TBX19: variants seen among roughly 807,000 people sequenced by gnomAD.
TBX19 encodes the protein T-box transcription factor TBX19.
A neutral mutation model predicts 40.9 loss-of-function variants in TBX19; 33 were observed. The ratio of observed to expected loss-of-function variants is 0.81; its 90% CI spans 0.61 to 1.08. TBX19 has a LOEUF of 1.08. Ranked by LOEUF, TBX19 falls within the 50% of genes least tolerant of loss-of-function variation. TBX19 has a pLI of 0.00. For missense variants in TBX19, 494 were observed against 574.0 expected, an observed-to-expected ratio of 0.86 and a Z score of 1.42; for synonymous variants, 220 against 225.0, an observed-to-expected ratio of 0.98 and a Z score of 0.20.
At chr1:168,298,054 G>A (rs2102357454) in intron 4 of TBX19, among the ~76,000 whole-genome samples, 1 of 152,216 alleles carries the variant, frequency 6.6e-6, no homozygotes. Flanking sequence ...AAATTAGCCG[G>A]GTGTGGTGGC....
At position 168,312,711 on chromosome 1, in the gene TBX19, C is replaced by T. The variant is rs761123898; in HGVS notation, c.1056C>T (p.Pro352=). 3 of 1,612,174 alleles carry T rather than the reference C, an allele frequency of 1.9e-6. No homozygotes were observed. In the East Asian group the frequency reaches 6.7e-5, roughly 36 times the overall value. Residue 352 remains proline, a synonymous_variant, in exon 8 of 8, where the codon CCC becomes CCT. Transcript: ENST00000367821. The part of the protein sequence containing the change: ...TNGPINPGPS[P]YPCLWTISNG... ...CCCTCTTTCTCTGTCTCTGCAGCCC[C>T]TACCCGTGCCTGTGGACCATCAGCA...
intron 5 of TBX19, among the ~76,000 whole-genome samples, chr1:168,304,327 A>C (rs1649349530): frequency 6.6e-6 from 1 of 152,074 alleles, no homozygotes; most frequent in African/African-American, 2.4e-5. Context: ...CAGAGATGAA[A>C]TCACAGGGAA....
chr1:168,285,663 T>C (rs1410366713), intron 1 of TBX19, among the ~76,000 whole-genome samples: 1 of 152,248 alleles, frequency 6.6e-6, no homozygotes, highest in Non-Finnish European at 1.5e-5. Flanking sequence ...CAAGGAGGCT[T>C]TCTCTCCAGG....
intron 6 of TBX19, among the ~76,000 whole-genome samples, chr1:168,306,455 G>A (rs1394027010): frequency 1.3e-5 from 2 of 151,742 alleles, no homozygotes; most frequent in East Asian, 1.9e-4. Context: ...GCGAAACCCC[G>A]TCTCTACTAA....
chr1:168,293,281 AAG>A lies in TBX19; in HGVS notation c.603+6_603+7del, dbSNP rs747507388. On this transcript the variant is annotated splice_donor_5th_base_variant and intron_variant, in intron 3 of 7. Coordinates refer to ENST00000367821, the MANE Select transcript of TBX19 (RefSeq NM_005149.3). ...TGACTGCCTATCAGAATGAGGAGGT[AAG>A]AGTGTGTGTGTGTGTGTGTGTGTGT... 7.0e-7 allele frequency: 1 copy of A among 1,427,602 alleles called. No individual in the cohort carries two copies. Among genetic ancestry groups the A allele is most frequent in the Non-Finnish European group, 9.3e-7 (1 of 1,070,462 alleles). 88.4% of individuals were successfully genotyped at this position (1,427,602 alleles called of 1,614,324 possible). A position where few individuals can be genotyped will look rare whatever the true frequency, so the allele number is the denominator to read the frequency against.
intron 3 of TBX19, among the ~76,000 whole-genome samples, chr1:168,296,873 A>AT (rs1195948297): frequency 1.4e-5 from 2 of 145,530 alleles, no homozygotes; most frequent in African/African-American, 5.3e-5. Context: ...CGTCTCAAAA[A>AT]AAATATATAT....
At chr1:168,308,622 C>T in intron 6 of TBX19, 120 bp from the exon 7 acceptor site, 1 of 1,275,354 alleles carries the variant, frequency 7.8e-7, no homozygotes, top group Non-Finnish European at 1.1e-6. Flanking sequence ...AAAGAACTAA[C>T]AAACTGTTGG....
At chr1:168,294,792 G>A (rs567544314) in intron 3 of TBX19, among the ~76,000 whole-genome samples, 4 of 152,168 alleles carry the variant, frequency 2.6e-5, no homozygotes, top group African/African-American at 4.8e-5. Context: ...GTGAACCACC[G>A]TGCCCGGCCC....
chr1:168,309,428 T>C (rs1649475740), intron 7 of TBX19, among the ~76,000 whole-genome samples: 1 of 152,074 alleles, frequency 6.6e-6, no homozygotes, highest in Non-Finnish European at 1.5e-5. Flanking sequence ...CCTGGGATCA[T>C]TTGTCTTAAA....
intron 4 of TBX19, among the ~76,000 whole-genome samples, chr1:168,299,464 A>C (rs1386358816): frequency 6.6e-6 from 1 of 152,096 alleles, no homozygotes; most frequent in Non-Finnish European, 1.5e-5. Flanking sequence ...TGTCCTGTCC[A>C]ATATTTGAAT....
intron 6 of TBX19, chr1:168,308,214 T>C (rs1649448920): frequency 6.2e-6 from 1 of 160,842 alleles, no homozygotes; most frequent in African/African-American, 2.4e-5. Flanking sequence ...ATTCCTGGGC[T>C]CAAGGGATTC....
At chr1:168,292,471 A>G (rs1648963429) in intron 2 of TBX19, among the ~76,000 whole-genome samples, 1 of 152,220 alleles carries the variant, frequency 6.6e-6, no homozygotes, top group African/African-American at 2.4e-5. Flanking sequence ...AAAAAAGGCA[A>G]ACAATATATT....
rs149518425 is a variant in TBX19, at chr1:168,299,520, G to A, written c.666-902G>A. On this transcript the variant is annotated intron_variant, in intron 4 of 7. Coordinates refer to ENST00000367821, the MANE Select transcript of TBX19 (RefSeq NM_005149.3). ...GAGATGGGGTCTTGCTCTATCACGCGGACTGGAGTACAGTGGTGTGATATA... is the reference window on the plus strand; with the variant it reads ...GAGATGGGGTCTTGCTCTATCACGCAGACTGGAGTACAGTGGTGTGATATA... 3.9e-3 allele frequency among the ~76,000 whole-genome samples: 587 copies of A among 152,036 alleles called. 2 individuals are homozygous for A. Among genetic ancestry groups the A allele is most frequent in the Middle Eastern group, 6.8e-3 (2 of 294 alleles).
Position 168,298,761 on chromosome 1 carries a change from A to G in TBX19, c.665+976A>G, listed in dbSNP as rs201979308. 1.4e-3 allele frequency among the ~76,000 whole-genome samples: 87 copies of G among 60,362 alleles called. No individual in the cohort carries two copies. The East Asian group carries it at 0.025, about 17-fold the overall frequency. The allele number at this position is 60,362 out of a possible 152,430, so 39.6% of individuals were successfully genotyped here. A position where few individuals can be genotyped will look rare whatever the true frequency, so the allele number is the denominator to read the frequency against. ...AGCTTTCCTTCTTCCCTTCCCTTCC[A>G]TTCCCTTCCCTTCCCTTCCCTCCCT... On this transcript the variant is annotated intron_variant, in intron 4 of 7. Transcript: ENST00000367821.
chr1:168,296,757 CCAG>C (rs1649115809), intron 3 of TBX19, among the ~76,000 whole-genome samples: 1 of 152,052 alleles, frequency 6.6e-6, no homozygotes, highest in Non-Finnish European at 1.5e-5. Flanking sequence ...GCCTGTAATC[CCAG>C]CACTTTGGGA....
Position 168,312,847 on chromosome 1 carries a change from C to G in TBX19, c.1192C>G (p.Gln398Glu). 6.2e-7 allele frequency: 1 copy of G among 1,614,272 alleles called. No homozygotes were observed. The highest frequency in any genetic ancestry group is 1.3e-5 in the African/African-American group (1 of 75,068). Residue 398 changes from glutamine (Q) to glutamate (E), a missense_variant, in exon 8 of 8, where the codon CAA (glutamine) becomes GAA (glutamate). Coordinates refer to ENST00000367821, the MANE Select transcript of TBX19 (RefSeq NM_005149.3). Reference protein sequence around the residue: ...VTSPPSVLSTQAPTSAGVEVL... With the variant: ...VTSPPSVLSTEAPTSAGVEVL... ...TTCACCCCCTTCTGTGCTCTCCACC[C>G]AAGCACCCACTTCGGCTGGTGTGGA...
chr1:168,310,672 A>C (rs960491135), intron 7 of TBX19, among the ~76,000 whole-genome samples: 2 of 146,594 alleles, frequency 1.4e-5, no homozygotes, highest in Middle Eastern at 3.6e-3. Context: ...ATATATATAT[A>C]TAAAAAAATA....
Position 168,313,195 on chromosome 1 carries a change from T to C in TBX19, c.*193T>C. 1.5e-6 allele frequency: 1 copy of C among 660,226 alleles called. No individual in the cohort carries two copies. The highest frequency in any genetic ancestry group is 1.9e-5 in the South Asian group (1 of 52,640). The allele number at this position is 660,226 out of a possible 1,614,324, so 40.9% of individuals were successfully genotyped here. ...ATGCTAGTTAGATCATTTGCATCTCTCCACCATTTTCTTCTGCACTCCCAT... is the reference window on the plus strand; with the variant it reads ...ATGCTAGTTAGATCATTTGCATCTCCCCACCATTTTCTTCTGCACTCCCAT... On this transcript the variant is annotated 3_prime_UTR_variant, in exon 8 of 8. Coordinates refer to ENST00000367821, the MANE Select transcript of TBX19 (RefSeq NM_005149.3).
At chr1:168,304,972 G>A in intron 5 of TBX19, 36 bp from the exon 6 acceptor site, 1 of 1,607,552 alleles carries the variant, frequency 6.2e-7, no homozygotes, top group South Asian at 1.1e-5. Flanking sequence ...GGAGTTCACA[G>A]ACTCAGTCTT....
Sources: allele counts gnomAD v4.1 joint callset (sites outside exome capture counted in the v4.1 genomes callset), GRCh38; gene constraint gnomAD v4.1.1; transcripts MANE v1.5; gene names NCBI Gene and HGNC (gene_info 2026-07-23, HGNC 2026-07-21).